Variants in FNBP1 observed in about 807,000 individuals in gnomAD.
FNBP1 encodes the protein formin binding protein 1, also known as formin-binding protein 1.
FNBP1 carries 26 observed loss-of-function variants against 90.6 expected under a neutral mutation model. The observed-to-expected ratio is 0.29, with a 90% CI of 0.21 to 0.40. The LOEUF (loss-of-function observed/expected upper bound fraction) is 0.40, where lower values mean the gene tolerates loss of function less well. FNBP1 is among the 10% of genes least tolerant of loss of function. The pLI is 1.00. For missense variants in FNBP1, 635 were observed against 768.0 expected, an observed-to-expected ratio of 0.83 and a Z score of 2.05; for synonymous variants, 260 against 265.2, an observed-to-expected ratio of 0.98 and a Z score of 0.19.
rs1486283273 is a variant in FNBP1 at position 129,978,609 on chromosome 9, A to G, written c.201T>C (p.Tyr67=). The G allele has an allele frequency of 1.9e-6, 3 of 1,613,738 alleles. No individual in the cohort carries two copies. Among genetic ancestry groups the G allele is most frequent in the Non-Finnish European group, 2.5e-6 (3 of 1,179,796 alleles). ...KNSKEEEEYK[Y]TSCKAFISNL... ...TGGAAATGAAAGCTTTACATGACGT[A>G]TACCTATGGAACAGAACACACGCCA... The change falls in exon 4 of 17, where the codon TAT becomes TAC. Residue 67 remains tyrosine (Y), a synonymous_variant. Transcript: ENST00000446176.
intron 4 of FNBP1, among the ~76,000 whole-genome samples, chr9:129,970,503 G>A (rs1177553224): frequency 6.6e-6 from 1 of 152,238 alleles, no homozygotes; most frequent in East Asian, 1.9e-4. Context: ...ACTGCGCCCA[G>A]CCAATATTCT....
intron 6 of FNBP1, among the ~76,000 whole-genome samples, chr9:129,939,361 C>A (rs1368404782): frequency 4.0e-5 from 6 of 151,726 alleles, no homozygotes; most frequent in African/African-American, 1.5e-4. Context: ...TGAACTCCAG[C>A]CTGGGCAACA....
rs200625312 is a variant in FNBP1 at position 129,901,247 on chromosome 9, A to G, written c.1429-700T>C. ...ATGGTGAAACGCTGTCTCTACTAAG[A>G]GTACAAAAATTAGCTGGGGGTGGTG... On this transcript the variant is annotated intron_variant, in intron 13 of 16. Coordinates refer to ENST00000446176, the MANE Select transcript of FNBP1 (RefSeq NM_015033.3). 2.3e-4 allele frequency among the ~76,000 whole-genome samples: 35 copies of G among 152,170 alleles called. 1 individual carries two copies. The East Asian group carries it at 6.6e-3, about 29-fold the overall frequency.
intron 6 of FNBP1, among the ~76,000 whole-genome samples, chr9:129,937,258 TATA>T (rs1248334924): frequency 1.3e-5 from 2 of 152,136 alleles, no homozygotes; most frequent in East Asian, 1.9e-4. Context: ...ATCCTAATGA[TATA>T]ATAACAAAAG....
the FNBP1 span, chr9:130,053,558 C>T: frequency 7.3e-6 from 2 of 275,298 alleles, no homozygotes; most frequent in Non-Finnish European, 1.4e-5. Context: ...ATCAGTGGCC[C>T]GACACCGTGC....
intron 16 of FNBP1, among the ~76,000 whole-genome samples, chr9:129,894,518 AC>A (rs1780442670): frequency 6.6e-6 from 1 of 152,252 alleles, no homozygotes. Flanking sequence ...CAACAAAAAA[AC>A]AAAAGCAAAC....
chr9:129,913,195 G>C (rs761898593), intron 11 of FNBP1, among the ~76,000 whole-genome samples: 6 of 152,072 alleles, frequency 3.9e-5, no homozygotes, highest in Non-Finnish European at 8.8e-5. Flanking sequence ...GTGACAGAGC[G>C]AGACTCCATC....
At chr9:129,916,188 T>C in intron 10 of FNBP1, 1 of 576,726 alleles carries the variant, frequency 1.7e-6, no homozygotes, top group Non-Finnish European at 3.1e-6. Flanking sequence ...TAATAACATT[T>C]TTCTTAGGCT....
intron 11 of FNBP1, among the ~76,000 whole-genome samples, chr9:129,912,048 G>A (rs907754683): frequency 4.6e-5 from 7 of 152,088 alleles, no homozygotes; most frequent in Admixed American, 1.3e-4. Context: ...ACCCCAACTT[G>A]AAGCTAGTCC....
At chr9:129,903,927 C>T (rs2037458120) in intron 12 of FNBP1, among the ~76,000 whole-genome samples, 1 of 152,202 alleles carries the variant, frequency 6.6e-6, no homozygotes, top group Non-Finnish European at 1.5e-5. Context: ...ATCCCAGCTA[C>T]TTGGGAGGCT....
chr9:130,010,036 A>T (rs2131640759), intron 1 of FNBP1, among the ~76,000 whole-genome samples: 1 of 152,172 alleles, frequency 6.6e-6, no homozygotes, highest in South Asian at 2.1e-4. Flanking sequence ...TGCATGCCAA[A>T]TTAGTGGAAA....
intron 1 of FNBP1, among the ~76,000 whole-genome samples, chr9:130,026,055 A>G (rs974693581): frequency 6.6e-6 from 1 of 152,210 alleles, no homozygotes; most frequent in African/African-American, 2.4e-5. Context: ...CATTATCTCC[A>G]TTTTACAGAT....
chr9:129,928,523 T>C (rs1351060629), intron 7 of FNBP1, among the ~76,000 whole-genome samples: 2 of 151,860 alleles, frequency 1.3e-5, no homozygotes, highest in Admixed American at 1.3e-4. Context: ...TAGCCAGGTA[T>C]GGTGGCAGGT....
chr9:130,009,388 G>A (rs1293699996), intron 1 of FNBP1, among the ~76,000 whole-genome samples: 1 of 152,138 alleles, frequency 6.6e-6, no homozygotes, highest in South Asian at 2.1e-4. Flanking sequence ...GGGGCTGGAC[G>A]CAGTGGCTCA....
At chr9:129,912,704 A>AG (rs2039537850) in intron 11 of FNBP1, among the ~76,000 whole-genome samples, 1 of 151,534 alleles carries the variant, frequency 6.6e-6, no homozygotes, top group African/African-American at 2.4e-5. Flanking sequence ...AAAAAAAAAA[A>AG]AAAAAGTCAC....
chr9:129,903,417 A>G (rs1019210878), intron 12 of FNBP1, among the ~76,000 whole-genome samples: 1 of 152,182 alleles, frequency 6.6e-6, no homozygotes, highest in East Asian at 1.9e-4. Context: ...AAACGTGGGA[A>G]GATTAGAGTA....
chr9:129,994,533 T>C (rs984126146), intron 2 of FNBP1, among the ~76,000 whole-genome samples: 3 of 152,192 alleles, frequency 2.0e-5, no homozygotes. Context: ...CACTTATGAT[T>C]TGTGTACTTC....
At chr9:129,923,205 T>G (rs2041357583) in intron 10 of FNBP1, among the ~76,000 whole-genome samples, 1 of 151,998 alleles carries the variant, frequency 6.6e-6, no homozygotes, top group Non-Finnish European at 1.5e-5. Context: ...TGGTTTTTTT[T>G]GGTAAAATTA....
chr9:129,891,385 G>A (rs2035089209), intron 16 of FNBP1, among the ~76,000 whole-genome samples: 1 of 152,126 alleles, frequency 6.6e-6, no homozygotes, highest in African/African-American at 2.4e-5. Context: ...GATGGCTTGA[G>A]CCCAGGGAGG....
Sources: gnomAD v4.1 joint callset for allele counts (sites outside exome capture counted in the v4.1 genomes callset) on GRCh38, gnomAD v4.1.1 for gene constraint, MANE v1.5 for transcripts, NCBI Gene and HGNC (gene_info 2026-07-23, HGNC 2026-07-21) for gene names.